SLC16A9: variants seen among roughly 807,000 people sequenced by gnomAD.
SLC16A9 encodes monocarboxylate transporter 9.
Under a neutral mutation model 44.3 loss-of-function variants are expected in SLC16A9, and 26 were observed. That is an observed-to-expected ratio of 0.59 (90% CI 0.43 to 0.81). The LOEUF (loss-of-function observed/expected upper bound fraction) is 0.81. Among genes scored for constraint, SLC16A9 ranks in the 40% least tolerant of loss-of-function variants. SLC16A9 has a pLI of 0.00. For missense variants in SLC16A9, 559 were observed against 595.8 expected (o/e 0.94, Z 0.64); for synonymous variants, 230 against 225.1 (o/e 1.02, Z -0.19).
chr10:59,684,302 A>C lies in SLC16A9; in HGVS notation c.-11T>G. On this transcript the variant is annotated 5_prime_UTR_variant, in exon 2 of 6. The change creates a new upstream start codon in the 5' untranslated region. Coordinates refer to ENST00000395348, the MANE Select transcript of SLC16A9 (RefSeq NM_194298.3). ...CTTTTTAAGTTCCATTGTAAGACAA[A>C]ATCAGGAGGCGTTTCTCTGCAGGTC... 6.2e-7 allele frequency: 1 copy of C among 1,609,824 alleles called. No individual in the cohort carries two copies.
At chr10:59,704,127 A>C (rs73265546) in intron 1 of SLC16A9, among the ~76,000 whole-genome samples, 1 of 152,128 alleles carries the variant, frequency 6.6e-6, no homozygotes, top group Admixed American at 6.5e-5. Flanking sequence ...TCATTCTTAC[A>C]TAACAATTAA....
intron 1 of SLC16A9, among the ~76,000 whole-genome samples, chr10:59,694,759 T>G (rs1840331339): frequency 7.4e-6 from 1 of 135,476 alleles, no homozygotes. Context: ...GAGATCGTGC[T>G]ACTGCGCTCC....
chr10:59,709,084 G>A (rs962388912), intron 1 of SLC16A9, among the ~76,000 whole-genome samples: 1 of 152,146 alleles, frequency 6.6e-6, no homozygotes, highest in Non-Finnish European at 1.5e-5. Flanking sequence ...TCTGGGAAAT[G>A]GAGGCCCACC....
At position 59,664,280 on chromosome 10, in the gene SLC16A9, G is replaced by A. The variant is rs1188394814; in HGVS notation, c.383C>T (p.Thr128Met). Residue 128 changes from threonine (T) to methionine (M), a missense_variant, in exon 4 of 6, where the codon ACG (threonine) becomes ATG (methionine). By Grantham distance (81) the Thr-to-Met change is moderately conservative. Coordinates refer to ENST00000395348, the MANE Select transcript of SLC16A9 (RefSeq NM_194298.3). ...TCGGCGATCGTCAAAATACTGGCAC[G>A]TAATGGTCACTGTTGCAGTGTATAA... ...GLLYTATVTI[T>M]CQYFDDRRGL... 8 of 1,612,396 alleles carry A rather than the reference G, an allele frequency of 5.0e-6. No homozygotes were observed. Among genetic ancestry groups the A allele is most frequent in the East Asian group, 2.2e-5 (1 of 44,834 alleles).
rs113751164 is a variant in SLC16A9 at position 59,674,615 on chromosome 10, G to A, written c.197-1702C>T. Reference sequence around the variant, plus strand: ...CTTAGATACTTCAAAAATAGAAACAGTTTTAAGAGTCTAATTTTACAAATG... The same window carrying A: ...CTTAGATACTTCAAAAATAGAAACAATTTTAAGAGTCTAATTTTACAAATG... On this transcript the variant is annotated intron_variant, in intron 2 of 5. Coordinates refer to ENST00000395348, the MANE Select transcript of SLC16A9 (RefSeq NM_194298.3). Among the ~76,000 whole-genome samples, 621 of 152,284 alleles carry A rather than the reference G, an allele frequency of 4.1e-3. 3 individuals carry two copies. Among genetic ancestry groups the A allele is most frequent in the Non-Finnish European group, 6.8e-3 (461 of 68,016 alleles).
chr10:59,697,604 G>T (rs1171628), intron 1 of SLC16A9, among the ~76,000 whole-genome samples: 1 of 147,816 alleles, frequency 6.8e-6, no homozygotes, highest in Non-Finnish European at 1.5e-5. Flanking sequence ...GCGGAAGGCC[G>T]CAGGGTCCTC....
chr10:59,659,996 A>AAG (rs1839434616), intron 4 of SLC16A9, among the ~76,000 whole-genome samples: 1 of 152,212 alleles, frequency 6.6e-6, no homozygotes. Flanking sequence ...GACACAGCTA[A>AAG]AGCAGTGTTT....
chr10:59,703,445 G>A (rs1650000369), intron 1 of SLC16A9, among the ~76,000 whole-genome samples: 1 of 152,114 alleles, frequency 6.6e-6, no homozygotes, highest in South Asian at 2.1e-4. Context: ...TTTAATCTTC[G>A]AGGCCTTGTA....
intron 3 of SLC16A9, among the ~76,000 whole-genome samples, chr10:59,666,116 C>T (rs1170385474): frequency 4.0e-5 from 6 of 151,758 alleles, no homozygotes; most frequent in Admixed American, 3.3e-4. Context: ...GCCAACATGG[C>T]GAAACCTCAT....
At chr10:59,670,584 G>A (rs778413635) in intron 3 of SLC16A9, among the ~76,000 whole-genome samples, 12 of 152,196 alleles carry the variant, frequency 7.9e-5, no homozygotes, top group Admixed American at 1.3e-4. Context: ...TAGCTAAAGA[G>A]GCCATCTAGC....
At position 59,654,285 on chromosome 10, in the gene SLC16A9, C is replaced by T; in HGVS notation, c.741G>A (p.Trp247Ter). ...TTTTATGAAGTAGGCTGTCTTGTTT[C>T]CAGTCACCATTGGCTAACGTGATCC... ...KCRITLANGD[W>*]KQDSLLHKNP... is the part of the protein sequence containing the mutation. The change falls in exon 5 of 6, where the codon TGG becomes TGA. Residue 247 changes from tryptophan (W) to a stop codon, truncating the protein, a stop_gained. Transcript: ENST00000395348. LOFTEE classifies it high-confidence loss of function. 2.5e-6 allele frequency: 4 copies of T among 1,614,140 alleles called. No individual in the cohort carries two copies. Among genetic ancestry groups the T allele is most frequent in the Non-Finnish European group, 3.4e-6 (4 of 1,180,026 alleles).
intron 1 of SLC16A9, among the ~76,000 whole-genome samples, chr10:59,685,471 C>T (rs1050632959): frequency 6.6e-6 from 1 of 152,150 alleles, no homozygotes; most frequent in African/African-American, 2.4e-5. Context: ...ATAGATTTCC[C>T]TTATTTTTTA....
chr10:59,705,089 T>C (rs1222472881), intron 1 of SLC16A9, among the ~76,000 whole-genome samples: 2 of 151,916 alleles, frequency 1.3e-5, no homozygotes, highest in Non-Finnish European at 2.9e-5. Flanking sequence ...GTTGCTAACA[T>C]TTTTTTTCGT....
In SLC16A9 at chr10:59,654,419, C is replaced by T; in HGVS notation, c.607G>A (p.Ala203Thr). 6.2e-7 allele frequency: 1 copy of T among 1,613,628 alleles called. No individual in the cohort carries two copies. The highest frequency in any genetic ancestry group is 8.5e-7 in the Non-Finnish European group (1 of 1,180,026). ...TATTTATCTGGTAGATCTTCTGGAGCTATTTTTTTAGGCAAAGGACAATCA... is the reference window on the plus strand; with the variant it reads ...TATTTATCTGGTAGATCTTCTGGAGTTATTTTTTTAGGCAAAGGACAATCA... The part of the protein sequence containing the change: ...SSDCPLPKKI[A>T]PEDLPDKYSI... The change falls in exon 5 of 6, where the codon GCT (alanine) becomes ACT (threonine). Residue 203 changes from alanine (A) to threonine (T), a missense_variant. By Grantham distance (58) the Ala-to-Thr change is moderately conservative (BLOSUM62 0). Transcript: ENST00000395348.
intron 5 of SLC16A9, 96 bp from the exon 6 acceptor site, chr10:59,653,046 T>A: frequency 2.4e-6 from 2 of 836,656 alleles, no homozygotes; most frequent in Non-Finnish European, 3.5e-6. Flanking sequence ...TAGTTATAAT[T>A]AGTATATATA....
chr10:59,687,900 C>T (rs11006692), intron 1 of SLC16A9, among the ~76,000 whole-genome samples: 23,306 of 149,864 alleles, frequency 0.16, 2,014 homozygotes, highest in African/African-American at 0.22. Context: ...TTTGAGGTTA[C>T]AGTGAGCAGT....
At chr10:59,656,360 G>A (rs1030424333) in intron 4 of SLC16A9, among the ~76,000 whole-genome samples, 2 of 152,140 alleles carry the variant, frequency 1.3e-5, no homozygotes, top group African/African-American at 4.8e-5. Context: ...ACTTAAAAAT[G>A]CTCTTGGTGT....
At chr10:59,663,369 G>T (rs1839527140) in intron 4 of SLC16A9, among the ~76,000 whole-genome samples, 2 of 151,470 alleles carry the variant, frequency 1.3e-5, no homozygotes, top group East Asian at 1.9e-4. Flanking sequence ...CTCAAAAAAA[G>T]AAAAAAGAAA....
At chr10:59,675,600 T>C (rs1839841208) in intron 2 of SLC16A9, among the ~76,000 whole-genome samples, 1 of 152,164 alleles carries the variant, frequency 6.6e-6, no homozygotes, top group Non-Finnish European at 1.5e-5. Context: ...GTTGGACAAG[T>C]GGACTCTGGC....
Sources: allele counts gnomAD v4.1 joint callset (sites outside exome capture counted in the v4.1 genomes callset), GRCh38; gene constraint gnomAD v4.1.1; transcripts MANE v1.5; gene names NCBI Gene and HGNC (gene_info 2026-07-23, HGNC 2026-07-21).